The following OSBPL6 variants were observed in gnomAD, a reference collection of about 807,000 sequenced individuals.
The protein encoded by OSBPL6 is oxysterol binding protein like 6.
OSBPL6 carries 49 observed loss-of-function variants against 125.8 expected under a neutral mutation model. That is an observed-to-expected ratio of 0.39 (90% confidence interval 0.31 to 0.49). The LOEUF (loss-of-function observed/expected upper bound fraction) is 0.49, where lower values mean the gene tolerates loss of function less well. Among genes scored for constraint, OSBPL6 ranks in the 20% least tolerant of loss-of-function variants. The pLI is 0.88. For synonymous variants in OSBPL6, 394 were observed against 391.8 expected, an observed-to-expected ratio of 1.01 and a Z score of -0.07; for missense variants, 986 against 1,135.4, an observed-to-expected ratio of 0.87 and a Z score of 1.89.
intron 1 of OSBPL6, among the ~76,000 whole-genome samples, chr2:178,205,055 A>G (rs1222966907): frequency 6.6e-6 from 1 of 152,156 alleles, no homozygotes; most frequent in Non-Finnish European, 1.5e-5. Flanking sequence ...CAGATGAGAA[A>G]ATAGAAATGT....
In OSBPL6 at chr2:178,394,301, C is replaced by G; in HGVS notation, c.2574-12C>G. The G allele has an allele frequency of 6.2e-7, 1 of 1,609,440 alleles. No individual in the cohort carries two copies. Among genetic ancestry groups the G allele is most frequent in the South Asian group, 1.1e-5 (1 of 89,760 alleles). On this transcript the variant is annotated splice_polypyrimidine_tract_variant and intron_variant, in intron 23 of 24. Coordinates refer to ENST00000190611, the MANE Select transcript of OSBPL6 (RefSeq NM_032523.4). Reference sequence around the variant, plus strand: ...GGATAATATGTTAAAATATCAACTGCTTTCTGCTTAGATTTTTGGAAGAAG... The same window carrying G: ...GGATAATATGTTAAAATATCAACTGGTTTCTGCTTAGATTTTTGGAAGAAG...
chr2:178,370,059 G>C (rs1464978274), intron 13 of OSBPL6, among the ~76,000 whole-genome samples: 1 of 152,178 alleles, frequency 6.6e-6, no homozygotes, highest in Non-Finnish European at 1.5e-5. Context: ...GAGGTCAGGA[G>C]TTTGAGACCA....
intron 1 of OSBPL6, among the ~76,000 whole-genome samples, chr2:178,242,891 A>AAT (rs1032111985): frequency 2.0e-5 from 3 of 151,980 alleles, no homozygotes; most frequent in Admixed American, 6.6e-5. Context: ...CAATAGTCAC[A>AAT]ATATATATAT....
At position 178,194,619 on chromosome 2, in the gene OSBPL6, C is replaced by G. The variant is rs999434379; in HGVS notation, c.-406C>G. The G allele has an allele frequency of 1.3e-5, 2 of 153,602 alleles. No homozygotes were observed. The highest frequency in any genetic ancestry group is 4.8e-5 in the African/African-American group (2 of 41,458). 9.5% of individuals were successfully genotyped at this position (153,602 alleles called of 1,614,324 possible). On this transcript the variant is annotated 5_prime_UTR_variant, in exon 1 of 25. Transcript: ENST00000190611. ...GGGGCCGGCTCTCCGCCTCCTGCCT[C>G]CCGTCGCAGCCGCGCAGCCGCCGCA...
intron 6 of OSBPL6, 66 bp downstream of exon 6, chr2:178,331,671 G>C: frequency 6.0e-6 from 9 of 1,510,314 alleles, no homozygotes; most frequent in Non-Finnish European, 8.3e-6. Flanking sequence ...AGTAAACACT[G>C]TAATTGTACA....
intron 1 of OSBPL6, among the ~76,000 whole-genome samples, chr2:178,267,361 A>T (rs1329786016): frequency 1.3e-5 from 2 of 151,364 alleles, no homozygotes; most frequent in African/African-American, 4.8e-5. Context: ...CTCAAAAAAA[A>T]AAAAAAAAAA....
intron 1 of OSBPL6, among the ~76,000 whole-genome samples, chr2:178,271,414 C>T (rs985042852): frequency 1.6e-4 from 24 of 152,130 alleles, no homozygotes; most frequent in Non-Finnish European, 3.1e-4. Flanking sequence ...TCCCTCAAAG[C>T]AGACTGGGAG....
intron 1 of OSBPL6, among the ~76,000 whole-genome samples, chr2:178,276,536 C>A (rs1323807657): frequency 6.6e-6 from 1 of 151,956 alleles, no homozygotes; most frequent in East Asian, 1.9e-4. Flanking sequence ...CCACACCCAG[C>A]TAATTTTTGT....
chr2:178,401,921 ACACT>A lies in OSBPL6; in HGVS notation c.*6365_*6368del, dbSNP rs1696112532. The A allele has an allele frequency of 6.6e-6, 1 of 152,064 alleles. No homozygotes were observed. The highest frequency in any genetic ancestry group is 6.6e-5 in the Admixed American group (1 of 15,248). 9.4% of individuals were successfully genotyped at this position (152,064 alleles called of 1,614,324 possible). On this transcript the variant is annotated 3_prime_UTR_variant, in exon 25 of 25. Coordinates refer to ENST00000190611, the MANE Select transcript of OSBPL6 (RefSeq NM_032523.4). ...TTTTTTGTTTGTTTTTTTTCATGTG[ACACT>A]CAGTAGGAAAGTCTAGTTCAAGAAC...
chr2:178,223,845 T>A (rs2090441354), intron 1 of OSBPL6, among the ~76,000 whole-genome samples: 1 of 152,222 alleles, frequency 6.6e-6, no homozygotes, highest in Non-Finnish European at 1.5e-5. Flanking sequence ...ATTGAACTCA[T>A]TTTGATGGAT....
At chr2:178,260,990 G>A (rs1483475940) in intron 1 of OSBPL6, among the ~76,000 whole-genome samples, 1 of 152,138 alleles carries the variant, frequency 6.6e-6, no homozygotes, top group Non-Finnish European at 1.5e-5. Flanking sequence ...AAATTATCCA[G>A]GTGTGATGGC....
intron 3 of OSBPL6, among the ~76,000 whole-genome samples, chr2:178,309,201 T>C (rs572068690): frequency 5.7e-4 from 86 of 152,154 alleles, no homozygotes; most frequent in African/African-American, 1.9e-3. Flanking sequence ...CTTTACCCTC[T>C]CCTTCCTCTG....
At chr2:178,310,753 T>C (rs1408275347) in intron 3 of OSBPL6, among the ~76,000 whole-genome samples, 1 of 152,130 alleles carries the variant, frequency 6.6e-6, no homozygotes. Context: ...TCAAATCTAC[T>C]CCTGCCCAGC....
chr2:178,313,171 C>G (rs1687442297), intron 3 of OSBPL6, among the ~76,000 whole-genome samples: 3 of 152,178 alleles, frequency 2.0e-5, no homozygotes, highest in Admixed American at 2.0e-4. Flanking sequence ...GCTGAGATTA[C>G]AAGCATGAGC....
chr2:178,374,913 A>G (rs1693723188), intron 15 of OSBPL6, among the ~76,000 whole-genome samples: 1 of 152,192 alleles, frequency 6.6e-6, no homozygotes, highest in East Asian at 1.9e-4. Context: ...TCATTTTTAT[A>G]ATGGGAGAAA....
intron 13 of OSBPL6, 68 bp downstream of exon 13, chr2:178,361,883 G>T: frequency 1.3e-6 from 2 of 1,583,630 alleles, no homozygotes; most frequent in Non-Finnish European, 1.7e-6. Context: ...AAGATCAAAA[G>T]ATGGGGGGCT....
intron 3 of OSBPL6, among the ~76,000 whole-genome samples, chr2:178,322,227 T>C (rs913375909): frequency 1.2e-4 from 18 of 152,352 alleles, no homozygotes; most frequent in African/African-American, 3.4e-4. Context: ...GTTTTGTTTT[T>C]CTTACCACGT....
At position 178,392,655 on chromosome 2, in the gene OSBPL6, A is replaced by G. The variant is rs1257063293; in HGVS notation, c.2573+117A>G. On this transcript the variant is annotated intron_variant, in intron 23 of 24. Transcript: ENST00000190611. ...AAGATCACTTGAGGTCAGGAATTCA[A>G]GACCAGCCTGGACAATATAGTGAGA... 18 of 1,337,656 alleles carry G rather than the reference A, an allele frequency of 1.3e-5. No homozygotes were observed. In the African/African-American group the frequency reaches 2.5e-4, roughly 19 times the overall value. 82.9% of individuals were successfully genotyped at this position (1,337,656 alleles called of 1,614,324 possible). A position where few individuals can be genotyped will look rare whatever the true frequency, so the allele number is the denominator to read the frequency against.
At chr2:178,255,371 T>A (rs1329254242) in intron 1 of OSBPL6, among the ~76,000 whole-genome samples, 1 of 152,176 alleles carries the variant, frequency 6.6e-6, no homozygotes, top group African/African-American at 2.4e-5. Flanking sequence ...ACTGCCCTTT[T>A]ATAAAACCAT....
Sources: gnomAD v4.1 joint callset for allele counts (sites outside exome capture counted in the v4.1 genomes callset) on GRCh38, gnomAD v4.1.1 for gene constraint, MANE v1.5 for transcripts, NCBI Gene and HGNC (gene_info 2026-07-23, HGNC 2026-07-21) for gene names.